The following PTBP2 variants were observed in gnomAD, a reference collection of about 807,000 sequenced individuals.
The protein encoded by PTBP2 is polypyrimidine tract-binding protein 2.
A neutral mutation model predicts 61.4 loss-of-function variants in PTBP2; 13 were observed. The ratio of observed to expected loss-of-function variants is 0.21; its 90% CI spans 0.14 to 0.34. The LOEUF (loss-of-function observed/expected upper bound fraction) is 0.34, where lower values mean the gene tolerates loss of function less well. PTBP2 is among the 10% of genes least tolerant of loss of function. The pLI, the probability that PTBP2 is intolerant of heterozygous loss-of-function variation, is 1.00. For missense variants in PTBP2, 405 were observed against 642.6 expected, an observed-to-expected ratio of 0.63 and a Z score of 4.00; for synonymous variants, 215 against 218.5, an observed-to-expected ratio of 0.98 and a Z score of 0.14.
At chr1:96,770,967 TA>T in intron 5 of PTBP2, 116 bp downstream of exon 5, 9 of 852,852 alleles carry the variant, frequency 1.1e-5, no homozygotes, top group Non-Finnish European at 1.4e-5. Flanking sequence ...ATTTTCTTGT[TA>T]TTTTTAAGGT....
chr1:96,806,950 C>T lies in PTBP2; in HGVS notation c.1163C>T (p.Ser388Leu). 1 of 1,604,600 alleles carries T rather than the reference C, an allele frequency of 6.2e-7. No homozygotes were observed. Among genetic ancestry groups the T allele is most frequent in the South Asian group, 1.1e-5 (1 of 89,994 alleles). ...ALIQMADGNQ[S>L]QLAMNHLNGQ... ...ATACAGATGGCTGATGGAAACCAAT[C>T]ACAACTTGGTAAGATTAAACTATGT... Residue 388 changes from serine (S) to leucine (L), a missense_variant, in exon 11 of 14, where the codon TCA (serine) becomes TTA (leucine). Around this residue, in one of 4 missense-constraint regions of PTBP2, gnomAD observed 342 missense variants for 491.2 expected, o/e 0.70. Coordinates refer to ENST00000674951, the MANE Select transcript of PTBP2 (RefSeq NM_021190.4).
chr1:96,791,833 T>TTGTTTTTTTTTTGTTTTTG (rs796100749), intron 8 of PTBP2, among the ~76,000 whole-genome samples: 1 of 131,478 alleles, frequency 7.6e-6, no homozygotes, highest in African/African-American at 3.0e-5. Flanking sequence ...GTGCTTTTTT[T>TTGTTTTTTTTTTGTTTTTG]TTTTTTTTTT....
intron 2 of PTBP2, among the ~76,000 whole-genome samples, chr1:96,739,338 A>G (rs1652667662): frequency 6.6e-6 from 1 of 152,152 alleles, no homozygotes; most frequent in African/African-American, 2.4e-5. Flanking sequence ...TATCTTAACC[A>G]TTTTTAAGTG....
chr1:96,783,999 G>A (rs770506906), intron 7 of PTBP2, among the ~76,000 whole-genome samples: 2 of 152,002 alleles, frequency 1.3e-5, no homozygotes, highest in South Asian at 2.1e-4. Flanking sequence ...AAAAAAATTC[G>A]TATATTAAGA....
At position 96,813,261 on chromosome 1, in the gene PTBP2, A is replaced by G; in HGVS notation, c.1467-15A>G. 9 of 1,583,180 alleles carry G rather than the reference A, an allele frequency of 5.7e-6. No individual in the cohort carries two copies. Among genetic ancestry groups the G allele is most frequent in the Non-Finnish European group, 7.7e-6 (9 of 1,171,222 alleles). On this transcript the variant is annotated splice_polypyrimidine_tract_variant and intron_variant, in intron 13 of 13. Transcript: ENST00000674951. ...TTTGTATGAAGTGTCTAATTTTATA[A>G]TTTTGTTTCAGAAGAGATCACAAAA...
chr1:96,770,854 A>G lies in PTBP2; in HGVS notation c.432+3A>G. 1 of 1,556,258 alleles carries G rather than the reference A, an allele frequency of 6.4e-7. No individual in the cohort carries two copies. Among genetic ancestry groups the G allele is most frequent in the Non-Finnish European group, 8.9e-7 (1 of 1,128,154 alleles). On this transcript the variant is annotated splice_donor_region_variant and intron_variant, in intron 5 of 13. Transcript: ENST00000674951. ...AGACAGATAATACATTAAACCAAGT[A>G]AGTATGTGTAGGTACATAAATAAAA...
At chr1:96,763,374 C>G (rs1429196054) in intron 3 of PTBP2, among the ~76,000 whole-genome samples, 1 of 152,034 alleles carries the variant, frequency 6.6e-6, no homozygotes, top group Non-Finnish European at 1.5e-5. Flanking sequence ...TTAGGAGCTG[C>G]AGACCAGCCC....
intron 8 of PTBP2, among the ~76,000 whole-genome samples, chr1:96,795,064 T>A (rs1443457631): frequency 1.3e-5 from 2 of 152,146 alleles, no homozygotes; most frequent in African/African-American, 4.8e-5. Flanking sequence ...AAGTTTTAGA[T>A]GTTTGGCTTT....
chr1:96,730,748 C>CT (rs1651285842), intron 2 of PTBP2, among the ~76,000 whole-genome samples: 1 of 152,164 alleles, frequency 6.6e-6, no homozygotes. Flanking sequence ...GCTCTTGGCT[C>CT]TTTCACAATT....
chr1:96,750,278 T>C (rs1654371251), intron 2 of PTBP2, among the ~76,000 whole-genome samples: 1 of 152,072 alleles, frequency 6.6e-6, no homozygotes, highest in South Asian at 2.1e-4. Flanking sequence ...CTCATCATGT[T>C]CTTATAAAAC....
chr1:96,751,368 A>C lies in PTBP2; in HGVS notation c.40-57A>C, dbSNP rs567305892. The C allele has an allele frequency of 6.2e-6, 8 of 1,287,544 alleles. No individual in the cohort carries two copies. In the African/African-American group the frequency reaches 1.2e-4, roughly 19 times the overall value. The allele number at this position is 1,287,544 out of a possible 1,614,324, so 79.8% of individuals were successfully genotyped here. On this transcript the variant is annotated intron_variant, in intron 2 of 13. Transcript: ENST00000674951. ...TTTGACATTTAAGTGAAAGGCTTTT[A>C]GATTAATATTTTTAAATTTAAAGAT... is the stretch of plus-strand genomic sequence containing the variant.
chr1:96,752,514 T>C (rs1246434286), intron 3 of PTBP2, among the ~76,000 whole-genome samples: 3 of 152,122 alleles, frequency 2.0e-5, no homozygotes, highest in African/African-American at 7.2e-5. Context: ...GATGTGAAGA[T>C]AAATTTGTCA....
chr1:96,779,141 T>C (rs1486974742), intron 7 of PTBP2, among the ~76,000 whole-genome samples: 1 of 152,160 alleles, frequency 6.6e-6, no homozygotes, highest in Non-Finnish European at 1.5e-5. Context: ...CTAATCTTAC[T>C]GTGCTTTCCG....
intron 2 of PTBP2, among the ~76,000 whole-genome samples, chr1:96,732,816 C>T (rs1019487538): frequency 3.3e-5 from 5 of 152,114 alleles, no homozygotes; most frequent in African/African-American, 2.4e-5. Context: ...CATAAATTTA[C>T]AGCCATTGAT....
chr1:96,796,801 A>G (rs931248841), intron 8 of PTBP2, among the ~76,000 whole-genome samples: 3 of 152,144 alleles, frequency 2.0e-5, no homozygotes, highest in Non-Finnish European at 2.9e-5. Flanking sequence ...AAGGGAGAAT[A>G]GAAAGGGGGT....
chr1:96,816,773 G>A (rs1478258974), downstream of PTBP2: 1 of 152,106 alleles, frequency 6.6e-6, no homozygotes, highest in Non-Finnish European at 1.5e-5. Flanking sequence ...AATGTTATTT[G>A]TAAAATGGAG....
intron 7 of PTBP2, among the ~76,000 whole-genome samples, chr1:96,779,524 A>C (rs377364792): frequency 1.3e-5 from 2 of 152,064 alleles, no homozygotes; most frequent in Non-Finnish European, 2.9e-5. Context: ...AAGTACCTCA[A>C]TTGTGTCAAC....
At position 96,760,440 on chromosome 1, in the gene PTBP2, C is replaced by CTTTTT. The variant is rs989047792; in HGVS notation, c.115+8960_115+8964dup. ...ATAACATAGTTGGGAAAATAGTTTGCTTTTTTTTTTTTTTTTTTTTTTTTG... is the reference window on the plus strand; with the variant it reads ...ATAACATAGTTGGGAAAATAGTTTGCTTTTTTTTTTTTTTTTTTTTTTTTTTTTTG... On this transcript the variant is annotated intron_variant, in intron 3 of 13. Coordinates refer to ENST00000674951, the MANE Select transcript of PTBP2 (RefSeq NM_021190.4). 8.7e-4 allele frequency among the ~76,000 whole-genome samples: 72 copies of CTTTTT among 83,078 alleles called. 1 individual carries two copies. The highest frequency in any genetic ancestry group is 1.4e-3 in the African/African-American group (26 of 18,412). The allele number at this position is 83,078 out of a possible 152,430, so 54.5% of individuals were successfully genotyped here.
At chr1:96,779,191 T>A (rs1658377069) in intron 7 of PTBP2, among the ~76,000 whole-genome samples, 1 of 152,040 alleles carries the variant, frequency 6.6e-6, no homozygotes, top group African/African-American at 2.4e-5. Flanking sequence ...TTTTTTTTTG[T>A]CCAAAAAATG....
Sources: allele counts gnomAD v4.1 joint callset (sites outside exome capture counted in the v4.1 genomes callset), GRCh38; gene constraint gnomAD v4.1.1; regional missense constraint gnomAD v4.1.1; transcripts MANE v1.5; gene names NCBI Gene and HGNC (gene_info 2026-07-23, HGNC 2026-07-21).